PARD3: variants seen among roughly 807,000 people sequenced by gnomAD.
The protein encoded by PARD3 is partitioning defective 3 homolog.
A neutral mutation model predicts 155.4 loss-of-function variants in PARD3; 75 were observed. The ratio of observed to expected loss-of-function variants is 0.48; its 90% CI spans 0.40 to 0.58. The LOEUF (loss-of-function observed/expected upper bound fraction) is 0.58. Among genes scored for constraint, PARD3 ranks in the 20% least tolerant of loss-of-function variants. PARD3 has a pLI of 0.00. For synonymous variants in PARD3, 576 were observed against 610.5 expected, an observed-to-expected ratio of 0.94 and a Z score of 0.83; for missense variants, 1,642 against 1,721.7, an observed-to-expected ratio of 0.95 and a Z score of 0.82.
At chr10:34,308,835 G>A (rs948287601) in intron 20 of PARD3, among the ~76,000 whole-genome samples, 2 of 151,430 alleles carry the variant, frequency 1.3e-5, no homozygotes, top group Non-Finnish European at 2.9e-5. Flanking sequence ...AAAGGACTTC[G>A]GACTGAGCAC....
chr10:34,695,150 C>T (rs73269453), intron 2 of PARD3, among the ~76,000 whole-genome samples: 7,503 of 152,242 alleles, frequency 0.049, 572 homozygotes, highest in African/African-American at 0.16. Flanking sequence ...TGGCTATGAG[C>T]CCTTCTGCAA....
chr10:34,324,752 C>T (rs1157866780), intron 19 of PARD3, among the ~76,000 whole-genome samples: 2 of 151,800 alleles, frequency 1.3e-5, no homozygotes, highest in African/African-American at 2.4e-5. Context: ...CCTGGAAGTG[C>T]TAATGAGAGA....
At chr10:34,119,194 C>T (rs560036301) in intron 24 of PARD3, among the ~76,000 whole-genome samples, 1 of 152,294 alleles carries the variant, frequency 6.6e-6, no homozygotes, top group Non-Finnish European at 1.5e-5. Context: ...GCGTATGCAG[C>T]ACTGACTCTC....
chr10:34,380,880 C>T (rs1392935846), intron 9 of PARD3, among the ~76,000 whole-genome samples: 2 of 152,028 alleles, frequency 1.3e-5, no homozygotes, highest in Non-Finnish European at 2.9e-5. Flanking sequence ...TTATACGATT[C>T]TATTTGTAGT....
chr10:34,773,537 T>C (rs994551039), intron 1 of PARD3, among the ~76,000 whole-genome samples: 16 of 152,182 alleles, frequency 1.1e-4, no homozygotes, highest in South Asian at 1.0e-3. Flanking sequence ...TCATGCCAAA[T>C]TGCTGTTCCG....
intron 2 of PARD3, among the ~76,000 whole-genome samples, chr10:34,653,734 G>A (rs1208883827): frequency 6.7e-6 from 1 of 148,204 alleles, no homozygotes; most frequent in Non-Finnish European, 1.5e-5. Flanking sequence ...AGTGAGCTAT[G>A]TTCGCACCTG....
intron 2 of PARD3, among the ~76,000 whole-genome samples, chr10:34,664,585 CAG>C (rs1430741264): frequency 6.6e-6 from 1 of 151,340 alleles, no homozygotes; most frequent in African/African-American, 2.4e-5. Context: ...TCCCGGGTTC[CAG>C]AGATTCTCCT....
intron 22 of PARD3, among the ~76,000 whole-genome samples, chr10:34,217,766 G>T (rs945785397): frequency 3.9e-5 from 6 of 152,088 alleles, no homozygotes; most frequent in Non-Finnish European, 8.8e-5. Context: ...AATTCCTATT[G>T]CAGGTCAGGC....
intron 1 of PARD3, among the ~76,000 whole-genome samples, chr10:34,768,981 T>C (rs982208945): frequency 9.2e-5 from 14 of 152,186 alleles, no homozygotes; most frequent in Admixed American, 9.2e-4. Context: ...ACACTGCTCA[T>C]TACCCGCCCT....
At chr10:34,375,094 A>ACACACT (rs1491175007) in intron 10 of PARD3, 92 bp from the exon 11 acceptor site, 5 of 834,774 alleles carry the variant, frequency 6.0e-6, no homozygotes, top group African/African-American at 5.2e-5. Context: ...ACACACACAC[A>ACACACT]CTCTAGGACT....
chr10:34,659,336 T>A (rs2093263371), intron 2 of PARD3, among the ~76,000 whole-genome samples: 1 of 152,236 alleles, frequency 6.6e-6, no homozygotes, highest in Non-Finnish European at 1.5e-5. Flanking sequence ...TGATCTAATT[T>A]GCCACACTTG....
chr10:34,245,124 C>T (rs188215700), intron 22 of PARD3, among the ~76,000 whole-genome samples: 2 of 152,158 alleles, frequency 1.3e-5, no homozygotes, highest in East Asian at 3.9e-4. Context: ...GTTTAGACAC[C>T]CAAGGAAGTC....
At chr10:34,347,273 A>C (rs568839696) in intron 15 of PARD3, among the ~76,000 whole-genome samples, 1 of 152,222 alleles carries the variant, frequency 6.6e-6, no homozygotes, top group African/African-American at 2.4e-5. Flanking sequence ...AGTAAATCCA[A>C]CCACTCCTGT....
At chr10:34,187,924 T>C (rs1045991739) in intron 22 of PARD3, among the ~76,000 whole-genome samples, 3 of 151,848 alleles carry the variant, frequency 2.0e-5, no homozygotes, top group Non-Finnish European at 2.9e-5. Flanking sequence ...CCTGTGACCC[T>C]TTCTAGGATG....
At chr10:34,516,335 T>C (rs1039588685) in intron 3 of PARD3, among the ~76,000 whole-genome samples, 2 of 152,208 alleles carry the variant, frequency 1.3e-5, no homozygotes, top group Non-Finnish European at 2.9e-5. Context: ...TACAAGATTA[T>C]ACAACTATAA....
At chr10:34,603,616 G>A (rs1676458663) in intron 2 of PARD3, among the ~76,000 whole-genome samples, 1 of 152,118 alleles carries the variant, frequency 6.6e-6, no homozygotes, top group African/African-American at 2.4e-5. Context: ...AACTCCAAAC[G>A]ACTCATTTCT....
intron 2 of PARD3, among the ~76,000 whole-genome samples, chr10:34,592,908 T>C (rs2088854017): frequency 6.6e-6 from 1 of 152,224 alleles, no homozygotes; most frequent in African/African-American, 2.4e-5. Flanking sequence ...CTTGGAACCA[T>C]GTTTTTTCCT....
chr10:34,456,179 A>C (rs773940), intron 4 of PARD3, among the ~76,000 whole-genome samples: 8,208 of 152,324 alleles, frequency 0.054, 248 homozygotes, highest in African/African-American at 0.087. Context: ...TTGCTAAACT[A>C]TGGTGGAGTC....
chr10:34,643,838 G>A (rs1210945802), intron 2 of PARD3, among the ~76,000 whole-genome samples: 3 of 152,122 alleles, frequency 2.0e-5, no homozygotes, highest in Non-Finnish European at 4.4e-5. Context: ...GCTTGCTTGA[G>A]CCCAGCAGGT....
Sources: allele counts gnomAD v4.1 joint callset (sites outside exome capture counted in the v4.1 genomes callset), GRCh38; gene constraint gnomAD v4.1.1; transcripts MANE v1.5; gene names NCBI Gene and HGNC (gene_info 2026-07-23, HGNC 2026-07-21).